Variants in TRMT13 observed in about 807,000 individuals in gnomAD.
TRMT13 encodes tRNA:m(4)X modification enzyme TRM13 homolog.
Under a neutral mutation model 55.9 loss-of-function variants are expected in TRMT13, and 45 were observed. That is an observed-to-expected ratio of 0.80 (90% CI 0.63 to 1.03). The LOEUF is 1.03. Among genes scored for constraint, TRMT13 ranks in the 50% least tolerant of loss-of-function variants. The pLI is 0.00. For synonymous variants in TRMT13, 183 were observed against 196.3 expected (o/e 0.93, Z 0.57); for missense variants, 513 against 563.9 (o/e 0.91, Z 0.91).
At chr1:100,139,357 A>G (rs1656306327) in intron 3 of TRMT13, among the ~76,000 whole-genome samples, 1 of 152,200 alleles carries the variant, frequency 6.6e-6, no homozygotes, top group African/African-American at 2.4e-5. Flanking sequence ...AAGTGTTACA[A>G]ATGAATTTCT....
chr1:100,137,618 C>T (rs1333963656), intron 3 of TRMT13, among the ~76,000 whole-genome samples: 1 of 152,152 alleles, frequency 6.6e-6, no homozygotes, highest in African/African-American at 2.4e-5. Flanking sequence ...GGAGGTGACA[C>T]CATTTCTGTC....
At chr1:100,138,288 T>G (rs1159681704) in intron 3 of TRMT13, among the ~76,000 whole-genome samples, 1 of 152,198 alleles carries the variant, frequency 6.6e-6, no homozygotes, top group African/African-American at 2.4e-5. Context: ...TGGTTATAAA[T>G]TTCTCCAGTA....
Position 100,133,300 on chromosome 1 carries a change from C to T in TRMT13, c.132C>T (p.His44=). 6.2e-7 allele frequency: 1 copy of T among 1,614,050 alleles called. No individual in the cohort carries two copies. The highest frequency in any genetic ancestry group is 1.1e-5 in the South Asian group (1 of 91,074). The change falls in exon 1 of 11, where the codon CAC becomes CAT. Residue 44 remains histidine, a synonymous_variant. Transcript: ENST00000370141. ...VAAGKRFCGE[H]AGAAEEEDAR... is the part of the protein sequence containing the mutation. ...CAGGGAAAAGATTTTGTGGTGAACA[C>T]GCTGGAGCCGCGGAGGTGTGGTATC...
chr1:100,149,549 G>A lies in TRMT13; in HGVS notation c.*729G>A. The A allele has an allele frequency of 9.8e-7, 1 of 1,025,496 alleles. No individual in the cohort carries two copies. Among genetic ancestry groups the A allele is most frequent in the Non-Finnish European group, 1.4e-6 (1 of 721,924 alleles). The allele number at this position is 1,025,496 out of a possible 1,614,324, so 63.5% of individuals were successfully genotyped here. On this transcript the variant is annotated 3_prime_UTR_variant, in exon 11 of 11. Coordinates refer to ENST00000370141, the MANE Select transcript of TRMT13 (RefSeq NM_019083.3). The stretch of plus-strand genomic sequence containing the variant: ...AATTCACAAATTTGAAATAATTTCT[G>A]AAGTTGATTAGCTATCTCATATCTT...
chr1:100,134,513 A>G (rs1026012018), intron 1 of TRMT13, among the ~76,000 whole-genome samples: 2 of 152,198 alleles, frequency 1.3e-5, no homozygotes, highest in African/African-American at 4.8e-5. Flanking sequence ...GTTGTAGTCT[A>G]CTTCCTATTT....
intron 7 of TRMT13, among the ~76,000 whole-genome samples, chr1:100,142,197 C>T (rs2101733174): frequency 6.6e-6 from 1 of 152,302 alleles, no homozygotes; most frequent in East Asian, 1.9e-4. Context: ...GCACCAACCT[C>T]AGTCTAGTGT....
chr1:100,137,501 A>T (rs1476041375), intron 3 of TRMT13, among the ~76,000 whole-genome samples: 1 of 152,118 alleles, frequency 6.6e-6, no homozygotes, highest in Non-Finnish European at 1.5e-5. Context: ...TCCAGCCAGG[A>T]AATACAAATA....
chr1:100,135,330 G>A (rs1440702477), intron 1 of TRMT13, among the ~76,000 whole-genome samples: 1 of 151,788 alleles, frequency 6.6e-6, no homozygotes, highest in East Asian at 1.9e-4. Context: ...TCAGCAATAA[G>A]GAAGAAATTA....
intron 9 of TRMT13, among the ~76,000 whole-genome samples, chr1:100,144,778 TA>T (rs2101739353): frequency 6.6e-6 from 1 of 152,346 alleles, no homozygotes; most frequent in African/African-American, 2.4e-5. Flanking sequence ...GGGTTGCATG[TA>T]AAGTGTCTGG....
At chr1:100,135,527 C>G (rs1483494203) in intron 1 of TRMT13, among the ~76,000 whole-genome samples, 1 of 152,158 alleles carries the variant, frequency 6.6e-6, no homozygotes, top group East Asian at 1.9e-4. Flanking sequence ...ATGTACAGCA[C>G]TGGGCTAGGC....
Position 100,133,488 on chromosome 1 carries a change from A to G in TRMT13, c.147+173A>G, listed in dbSNP as rs1655324829. Reference sequence around the variant, plus strand: ...TCCTTGCGGAGCGATTATGAGTTCTAGTGATGAGAAATTTTTTATTTTTCT... The same window carrying G: ...TCCTTGCGGAGCGATTATGAGTTCTGGTGATGAGAAATTTTTTATTTTTCT... On this transcript the variant is annotated intron_variant, in intron 1 of 10. Transcript: ENST00000370141. Among the ~76,000 whole-genome samples the G allele has an allele frequency of 2.0e-5, 3 of 152,240 alleles. No homozygotes were observed. The South Asian group carries it at 6.2e-4, about 32-fold the overall frequency.
intron 3 of TRMT13, among the ~76,000 whole-genome samples, chr1:100,137,862 G>A (rs1395545612): frequency 6.6e-6 from 1 of 152,104 alleles, no homozygotes; most frequent in Non-Finnish European, 1.5e-5. Flanking sequence ...ACATTAAGAT[G>A]GTGTAGAAGA....
rs1026540106 is a variant in TRMT13, at chr1:100,148,682, C to T, written c.1308C>T (p.Asp436=). 2 of 1,613,158 alleles carry T rather than the reference C, an allele frequency of 1.2e-6. No individual in the cohort carries two copies. The highest frequency in any genetic ancestry group is 2.7e-5 in the African/African-American group (2 of 74,880). ...KIGHLCKLLI[D]QGRIQYLQQK... The stretch of plus-strand genomic sequence containing the variant: ...GGCATCTTTGTAAATTGCTGATTGA[C>T]CAAGGTCGAATCCAGTATTTGCAGC... Residue 436 remains aspartate (D), a synonymous_variant, in exon 11 of 11, where the codon GAC becomes GAT. Coordinates refer to ENST00000370141, the MANE Select transcript of TRMT13 (RefSeq NM_019083.3).
chr1:100,133,467 T>C (rs775943478), intron 1 of TRMT13, 152 bp downstream of exon 1: 6 of 958,180 alleles, frequency 6.3e-6, no homozygotes, highest in Non-Finnish European at 9.0e-6. Context: ...TTGCCCTCCT[T>C]GCGGAGCGAT....
rs753986078 is a variant in TRMT13, at chr1:100,133,316, G to A, written c.147+1G>A. 284 of 1,613,828 alleles carry A rather than the reference G, an allele frequency of 1.8e-4. No homozygotes were observed. Among genetic ancestry groups the A allele is most frequent in the Non-Finnish European group, 2.4e-4 (280 of 1,179,934 alleles). ...TGGTGAACACGCTGGAGCCGCGGAG[G>A]TGTGGTATCGCCCTACTCTCTCAAG... On this transcript the variant is annotated splice_donor_variant, in intron 1 of 10. Coordinates refer to ENST00000370141, the MANE Select transcript of TRMT13 (RefSeq NM_019083.3). LOFTEE classifies it high-confidence loss of function.
chr1:100,135,909 C>G (rs1202594900), intron 1 of TRMT13, among the ~76,000 whole-genome samples: 3 of 152,030 alleles, frequency 2.0e-5, no homozygotes, highest in Non-Finnish European at 4.4e-5. Context: ...TGTACCTTTT[C>G]TATGTTTAGA....
intron 6 of TRMT13, 47 bp from the exon 7 acceptor site, chr1:100,140,805 C>T: frequency 1.3e-6 from 2 of 1,545,830 alleles, no homozygotes; most frequent in Non-Finnish European, 1.8e-6. Flanking sequence ...CCATTTGAAC[C>T]AAATGTGTTT....
At chr1:100,144,326 C>A in intron 9 of TRMT13, 183 bp downstream of exon 9, 1 of 514,416 alleles carries the variant, frequency 1.9e-6, no homozygotes, top group Non-Finnish European at 3.4e-6. Context: ...TCATATTGGC[C>A]ATTTTGCAGG....
rs185154034 is a variant in TRMT13 at position 100,138,429 on chromosome 1, C to A, written c.262-1220C>A. ...CTAGTTTTCTATTATAGTTTTTTTC[C>A]GTTATCCAGTAAAACATTGTAATTC... is the stretch of plus-strand genomic sequence containing the variant. On this transcript the variant is annotated intron_variant, in intron 3 of 10. Transcript: ENST00000370141. 1.7e-3 allele frequency among the ~76,000 whole-genome samples: 252 copies of A among 152,110 alleles called. 3 individuals are homozygous for A. The highest frequency in any genetic ancestry group is 5.7e-3 in the African/African-American group (235 of 41,510).
Sources: allele counts gnomAD v4.1 joint callset (sites outside exome capture counted in the v4.1 genomes callset), GRCh38; gene constraint gnomAD v4.1.1; transcripts MANE v1.5; gene names NCBI Gene and HGNC (gene_info 2026-07-23, HGNC 2026-07-21).